FER: variants seen among roughly 807,000 people sequenced by gnomAD.
The protein encoded by FER is tyrosine-protein kinase Fer.
FER carries 63 observed loss-of-function variants against 111.0 expected under a neutral mutation model. That is an observed-to-expected ratio of 0.57 (90% CI 0.46 to 0.70). The LOEUF (loss-of-function observed/expected upper bound fraction) is 0.70, where lower values mean the gene tolerates loss of function less well. Ranked by LOEUF, FER falls within the 30% of genes least tolerant of loss-of-function variation. The probability of loss-of-function intolerance (pLI) is 0.00; values close to 1 mark genes in which losing one functional copy is unlikely to be tolerated. For synonymous variants in FER, 327 were observed against 313.9 expected (o/e 1.04, Z -0.44); for missense variants, 914 against 954.0 (o/e 0.96, Z 0.55).
rs931619277 is a variant in FER, at chr5:109,189,269, G to A, written c.*1694G>A. The A allele has an allele frequency of 6.6e-6, 1 of 152,140 alleles. No individual in the cohort carries two copies. The highest frequency in any genetic ancestry group is 2.4e-5 in the African/African-American group (1 of 41,408). 9.4% of individuals were successfully genotyped at this position (152,140 alleles called of 1,614,324 possible). A position where few individuals can be genotyped will look rare whatever the true frequency, so the allele number is the denominator to read the frequency against. On this transcript the variant is annotated 3_prime_UTR_variant, in exon 20 of 20. Transcript: ENST00000281092. ...GATGGTCATGCTCAGGGCTAAATAT[G>A]TTCTGGAAGCCTTTTATAAGTTCTC...
chr5:108,868,095 C>G (rs2150236755), intron 6 of FER, 145 bp downstream of exon 6: 2 of 719,360 alleles, frequency 2.8e-6, no homozygotes, highest in South Asian at 2.3e-5. Context: ...TTGATTTTCA[C>G]TTTTCATGTC....
chr5:108,966,219 A>G (rs1759792913), intron 13 of FER, among the ~76,000 whole-genome samples: 1 of 152,066 alleles, frequency 6.6e-6, no homozygotes, highest in Non-Finnish European at 1.5e-5. Context: ...CTACTTTATA[A>G]ATATTTGAAG....
intron 10 of FER, among the ~76,000 whole-genome samples, chr5:108,920,358 A>G (rs141641991): frequency 5.0e-4 from 76 of 152,248 alleles, no homozygotes; most frequent in Middle Eastern, 6.8e-3. Context: ...TGTCATACAT[A>G]AGGTATGACA....
At chr5:108,871,972 T>G (rs1764645003) in intron 7 of FER, 121 bp from the exon 8 acceptor site, 1 of 1,006,380 alleles carries the variant, frequency 9.9e-7, no homozygotes, top group African/African-American at 1.7e-5. Context: ...ATTTATACTA[T>G]TTGTGTTTTC....
chr5:108,963,476 C>T (rs1759408011), intron 13 of FER, among the ~76,000 whole-genome samples: 1 of 152,096 alleles, frequency 6.6e-6, no homozygotes, highest in Admixed American at 6.5e-5. Flanking sequence ...GCAGGAGAAT[C>T]ACTTGAATCT....
intron 1 of FER, among the ~76,000 whole-genome samples, chr5:108,751,833 G>A (rs1463841481): frequency 5.3e-5 from 8 of 152,102 alleles, no homozygotes; most frequent in African/African-American, 1.4e-4. Context: ...AAAGGAATAA[G>A]TGGAAATGGG....
chr5:108,822,901 T>C (rs1759051942), intron 3 of FER, among the ~76,000 whole-genome samples: 1 of 151,194 alleles, frequency 6.6e-6, no homozygotes, highest in Non-Finnish European at 1.5e-5. Context: ...GTGATTCTCC[T>C]GCCTCAGCCT....
rs752270983 is a variant in FER at position 108,798,188 on chromosome 5, G to T, written c.6G>T (p.Gly2=). The change falls in exon 3 of 20, where the codon GGG becomes GGT. Residue 2 remains glycine (G), a synonymous_variant. Transcript: ENST00000281092. ...GATAACCAGTGCCTTACAAAATGGG[G>T]TTTGGGAGTGACCTGAAGAATTCAC... is the stretch of plus-strand genomic sequence containing the variant. M[G]FGSDLKNSHE... is the part of the protein sequence containing the mutation. The T allele has an allele frequency of 1.9e-6, 3 of 1,614,028 alleles. No individual in the cohort carries two copies. Among genetic ancestry groups the T allele is most frequent in the East Asian group, 4.5e-5 (2 of 44,854 alleles).
chr5:108,760,314 A>G (rs1580397149), intron 1 of FER, among the ~76,000 whole-genome samples: 1 of 152,156 alleles, frequency 6.6e-6, no homozygotes, highest in Non-Finnish European at 1.5e-5. Context: ...GGACTCTGCA[A>G]TATTTAGAAT....
chr5:109,124,510 G>GT (rs1751414231), intron 17 of FER, among the ~76,000 whole-genome samples: 1 of 152,144 alleles, frequency 6.6e-6, no homozygotes, highest in African/African-American at 2.4e-5. Context: ...AAAAGTATCA[G>GT]TTGTTCTTTG....
At chr5:108,924,209 A>G (rs182312486) in intron 10 of FER, among the ~76,000 whole-genome samples, 26 of 151,844 alleles carry the variant, frequency 1.7e-4, no homozygotes, top group Admixed American at 4.6e-4. Flanking sequence ...ATACAAAAAA[A>G]TTTAGCCAGG....
intron 16 of FER, among the ~76,000 whole-genome samples, chr5:109,089,897 G>A (rs1268103647): frequency 6.6e-6 from 1 of 152,176 alleles, no homozygotes; most frequent in African/African-American, 2.4e-5. Flanking sequence ...TGAAAACAAG[G>A]GAGAGTAGAA....
At chr5:108,921,105 C>T in intron 10 of FER, among the ~76,000 whole-genome samples, 1 of 152,112 alleles carries the variant, frequency 6.6e-6, no homozygotes, top group East Asian at 1.9e-4. Flanking sequence ...AGATCTCTGA[C>T]TACTTCAGCT....
At chr5:109,161,562 G>T (rs540892001) in intron 17 of FER, among the ~76,000 whole-genome samples, 15 of 152,004 alleles carry the variant, frequency 9.9e-5, no homozygotes, top group Admixed American at 9.8e-4. Context: ...TCCTTCAAAG[G>T]ACAGGATCTC....
chr5:108,909,422 G>A (rs893692734), intron 10 of FER, among the ~76,000 whole-genome samples: 4 of 152,188 alleles, frequency 2.6e-5, no homozygotes, highest in Non-Finnish European at 4.4e-5. Flanking sequence ...CTCTATCACA[G>A]TGTATCTAGA....
intron 16 of FER, among the ~76,000 whole-genome samples, chr5:109,093,286 A>G (rs1434685679): frequency 6.6e-6 from 1 of 152,166 alleles, no homozygotes; most frequent in African/African-American, 2.4e-5. Flanking sequence ...AAAAGTGAGA[A>G]AGAAGATTCT....
intron 17 of FER, among the ~76,000 whole-genome samples, chr5:109,175,731 GAA>G (rs932891783): frequency 2.6e-5 from 4 of 152,278 alleles, no homozygotes; most frequent in Admixed American, 2.0e-4. Flanking sequence ...GAATATCCAA[GAA>G]ACTCAAACAG....
chr5:108,850,349 GT>G (rs1472392619), intron 5 of FER, among the ~76,000 whole-genome samples: 1 of 151,906 alleles, frequency 6.6e-6, no homozygotes, highest in Non-Finnish European at 1.5e-5. Context: ...GAGGATTCCA[GT>G]TAAGGTGTTT....
chr5:108,806,203 G>A (rs983836937), intron 3 of FER, among the ~76,000 whole-genome samples: 5 of 152,216 alleles, frequency 3.3e-5, no homozygotes, highest in African/African-American at 1.2e-4. Flanking sequence ...CAGCTTCCAC[G>A]TGGTGTTGAG....
Sources: allele counts gnomAD v4.1 joint callset (sites outside exome capture counted in the v4.1 genomes callset), GRCh38; gene constraint gnomAD v4.1.1; transcripts MANE v1.5; gene names NCBI Gene and HGNC (gene_info 2026-07-23, HGNC 2026-07-21).